The following TPRG1 variants were observed in gnomAD, a reference collection of about 807,000 sequenced individuals.
TPRG1 encodes tumor protein p63-regulated gene 1 protein.
A neutral mutation model predicts 29.3 loss-of-function variants in TPRG1; 29 were observed. That is an observed-to-expected ratio of 0.99 (90% CI 0.74 to 1.35). TPRG1 has a LOEUF of 1.35. TPRG1 is among the 40% of genes most tolerant of loss of function. TPRG1 has a pLI of 0.00. For missense variants in TPRG1, 327 were observed against 335.0 expected, an observed-to-expected ratio of 0.98 and a Z score of 0.19; for synonymous variants, 130 against 116.8, an observed-to-expected ratio of 1.11 and a Z score of -0.73.
chr3:189,215,157 G>T, intron 2 of TPRG1, 135 bp from the exon 3 acceptor site: 1 of 594,780 alleles, frequency 1.7e-6, no homozygotes, highest in Non-Finnish European at 2.7e-6. Context: ...AAGGCAGTTA[G>T]GCATACAGGC....
chr3:189,215,463 C>G (rs1735928621), intron 3 of TPRG1, 80 bp downstream of exon 3: 1 of 1,154,846 alleles, frequency 8.7e-7, no homozygotes, highest in Non-Finnish European at 1.3e-6. Flanking sequence ...AGGAGATGGA[C>G]CTGTGGTAGA....
chr3:189,145,194 T>C (rs1725083914), intron 3 of TPRG1, among the ~76,000 whole-genome samples: 1 of 151,638 alleles, frequency 6.6e-6, no homozygotes, highest in South Asian at 2.1e-4. Flanking sequence ...AAACCGCGTC[T>C]CTACTAAAAA....
At chr3:189,188,635 A>T (rs947120506) in intron 1 of TPRG1, among the ~76,000 whole-genome samples, 1 of 152,176 alleles carries the variant, frequency 6.6e-6, no homozygotes, top group African/African-American at 2.4e-5. Context: ...AGATCTGTTC[A>T]TTGGAAGTGT....
intron 1 of TPRG1, among the ~76,000 whole-genome samples, chr3:189,200,131 T>G (rs1464895958): frequency 6.6e-6 from 1 of 152,176 alleles, no homozygotes; most frequent in East Asian, 1.9e-4. Flanking sequence ...TCGAAGCACT[T>G]TATAGCAGAG....
intron 5 of TPRG1, among the ~76,000 whole-genome samples, chr3:189,317,475 C>T (rs933678603): frequency 6.6e-6 from 1 of 152,148 alleles, no homozygotes; most frequent in African/African-American, 2.4e-5. Flanking sequence ...CCATTCACAG[C>T]GTGTATACAA....
intron 4 of TPRG1, among the ~76,000 whole-genome samples, chr3:189,274,970 GTGTGTGTGTA>G (rs1394599772): frequency 1.4e-5 from 2 of 145,816 alleles, no homozygotes; most frequent in East Asian, 4.2e-4. Context: ...GTGTGTGTGT[GTGTGTGTGTA>G]TGAAGTCATT....
chr3:189,156,361 A>G (rs2108615266), intron 5 of TPRG1, among the ~76,000 whole-genome samples: 1 of 152,286 alleles, frequency 6.6e-6, no homozygotes, highest in South Asian at 2.1e-4. Context: ...TAAGTAAAAA[A>G]AAAAAAAAAT....
chr3:189,257,195 T>A (rs147085954), intron 4 of TPRG1, among the ~76,000 whole-genome samples: 10,607 of 152,192 alleles, frequency 0.07, 855 homozygotes, highest in African/African-American at 0.2. Context: ...TGTAAGGCAG[T>A]TCTAGTGGTG....
intron 4 of TPRG1, among the ~76,000 whole-genome samples, chr3:189,025,630 A>G (rs1578207832): frequency 6.6e-6 from 1 of 152,180 alleles, no homozygotes; most frequent in African/African-American, 2.4e-5. Flanking sequence ...GTGGTATGAT[A>G]GTGTATTCAC....
intron 4 of TPRG1, among the ~76,000 whole-genome samples, chr3:189,037,441 T>C (rs987109802): frequency 5.3e-5 from 8 of 151,926 alleles, no homozygotes; most frequent in African/African-American, 1.7e-4. Flanking sequence ...GTAATTTCTG[T>C]TTATAATACA....
intron 4 of TPRG1, among the ~76,000 whole-genome samples, chr3:189,289,069 A>G (rs1718555812): frequency 6.6e-6 from 1 of 152,200 alleles, no homozygotes; most frequent in Admixed American, 6.5e-5. Context: ...TTGGACCTTT[A>G]GCTTGTCTGA....
intron 1 of TPRG1, among the ~76,000 whole-genome samples, chr3:189,188,048 A>T (rs1166760025): frequency 6.6e-6 from 1 of 152,226 alleles, no homozygotes; most frequent in Non-Finnish European, 1.5e-5. Flanking sequence ...ATGGAGTGAA[A>T]GCTCAAAAAC....
rs367563978 is a variant in TPRG1, at chr3:189,289,123, G to A, written c.480-21263G>A. Among the ~76,000 whole-genome samples, 36 of 152,246 alleles carry A rather than the reference G, an allele frequency of 2.4e-4. 1 individual carries two copies. The highest frequency in any genetic ancestry group is 8.5e-4 in the Admixed American group (13 of 15,292). ...CACACTGCACCTGCACTTCTTCCCC[G>A]TGGCTGTCTCCACCTGTATACCCCA... On this transcript the variant is annotated intron_variant, in intron 4 of 5. Transcript: ENST00000345063.
chr3:189,296,410 G>A (rs562201113), intron 4 of TPRG1, among the ~76,000 whole-genome samples: 3 of 152,304 alleles, frequency 2.0e-5, no homozygotes, highest in African/African-American at 7.2e-5. Flanking sequence ...TAATGTTGCT[G>A]TTGGCTAAAT....
intron 4 of TPRG1, among the ~76,000 whole-genome samples, chr3:189,304,116 G>GTT (rs67456701): frequency 0.023 from 3,083 of 136,990 alleles, 52 homozygotes; most frequent in African/African-American, 0.047. Flanking sequence ...GTTAACTCTT[G>GTT]TTTTTTTTTT....
At chr3:189,301,206 G>A (rs992783026) in intron 4 of TPRG1, among the ~76,000 whole-genome samples, 5 of 148,040 alleles carry the variant, frequency 3.4e-5, no homozygotes, top group Non-Finnish European at 5.9e-5. Flanking sequence ...GGCTGAGGCA[G>A]GAGAATCACT....
chr3:189,057,852 ATATACACACATACG>A, intron 4 of TPRG1, among the ~76,000 whole-genome samples: 1 of 111,112 alleles, frequency 9.0e-6, no homozygotes. Flanking sequence ...GTGTGTATAT[ATATACACACATACG>A]TATGTGTGTA....
chr3:189,098,980 T>C (rs1718884792), upstream of TPRG1, among the ~76,000 whole-genome samples: 1 of 152,080 alleles, frequency 6.6e-6, no homozygotes. Context: ...CCAAACAAGC[T>C]GCAAGCAAAC....
At chr3:189,167,310 G>A (rs1024164060), upstream of TPRG1, among the ~76,000 whole-genome samples, 4 of 152,132 alleles carry the variant, frequency 2.6e-5, no homozygotes, top group South Asian at 6.2e-4. Flanking sequence ...TGGAGACTGT[G>A]GCAAGTTTCA....
Sources: allele counts gnomAD v4.1 joint callset (sites outside exome capture counted in the v4.1 genomes callset), GRCh38; gene constraint gnomAD v4.1.1; transcripts MANE v1.5; gene names NCBI Gene and HGNC (gene_info 2026-07-23, HGNC 2026-07-21).